Variants in LRRC57 observed in about 807,000 individuals in gnomAD.
LRRC57 encodes the protein leucine-rich repeat-containing protein 57.
Under a neutral mutation model 23.1 loss-of-function variants are expected in LRRC57, and 14 were observed. The ratio of observed to expected loss-of-function variants is 0.61; its 90% CI spans 0.40 to 0.95. LRRC57 has a LOEUF of 0.95. Ranked by LOEUF, LRRC57 falls within the 40% of genes least tolerant of loss-of-function variation. The probability of loss-of-function intolerance (pLI) is 0.00; values close to 1 mark genes in which losing one functional copy is unlikely to be tolerated. For missense variants in LRRC57, 236 were observed against 284.4 expected (o/e 0.83, Z 1.22); for synonymous variants, 106 against 115.2 (o/e 0.92, Z 0.51).
In LRRC57 at chr15:42,548,701, G is replaced by C; in HGVS notation, c.-31C>G. 1.6e-6 allele frequency: 1 copy of C among 628,032 alleles called. No homozygotes were observed. The highest frequency in any genetic ancestry group is 2.8e-6 in the Non-Finnish European group (1 of 362,468). The allele number at this position is 628,032 out of a possible 1,614,324, so 38.9% of individuals were successfully genotyped here. On this transcript the variant is annotated 5_prime_UTR_variant, in exon 1 of 6. Coordinates refer to ENST00000397130, the MANE Select transcript of LRRC57 (RefSeq NM_153260.3). ...GGGAGCCCCGGACTCGCCTCCCACC[G>C]CTCAGCTGCCGTAAGGCTCCGCAGG...
At chr15:42,530,826 C>T in the LRRC57 span, among the ~76,000 whole-genome samples, 1 of 152,160 alleles carries the variant, frequency 6.6e-6, no homozygotes, top group Admixed American at 6.5e-5. Flanking sequence ...AAGCTTGGCT[C>T]TCTGTTAAAT....
Position 42,545,277 on chromosome 15 carries a change from C to G in LRRC57, c.493-15G>C. On this transcript the variant is annotated splice_polypyrimidine_tract_variant and intron_variant, in intron 4 of 5. Transcript: ENST00000397130. The stretch of plus-strand genomic sequence containing the variant: ...ATCTGAGATATCTATTGAAAAACCA[C>G]AAAAGAATAACAGGAAAAAGCATAA... 1 of 1,542,812 alleles carries G rather than the reference C, an allele frequency of 6.5e-7. No individual in the cohort carries two copies. Among genetic ancestry groups the G allele is most frequent in the Non-Finnish European group, 8.7e-7 (1 of 1,146,956 alleles).
At chr15:42,546,514 A>G (rs980384186) in intron 4 of LRRC57, among the ~76,000 whole-genome samples, 14 of 152,212 alleles carry the variant, frequency 9.2e-5, no homozygotes, top group Admixed American at 6.5e-4. Context: ...AATCACTACA[A>G]TCTAGAAAAG....
At chr15:42,547,794 A>G (rs2057669069) in intron 3 of LRRC57, 3 of 543,412 alleles carry the variant, frequency 5.5e-6, no homozygotes, top group Non-Finnish European at 9.7e-6. Flanking sequence ...ATTTTGTGAT[A>G]TTTGGAAGAT....
chr15:42,532,617 C>A, the LRRC57 span: 1 of 152,684 alleles, frequency 6.5e-6, no homozygotes, highest in South Asian at 2.1e-4. Flanking sequence ...ATGAGAATTT[C>A]TCTCTAAAGC....
the LRRC57 span, among the ~76,000 whole-genome samples, chr15:42,530,285 T>A: frequency 4.7e-4 from 71 of 152,278 alleles, no homozygotes; most frequent in Non-Finnish European, 2.2e-4. Context: ...TGAATCCTCA[T>A]CTCATGAAAG....
At chr15:42,544,389 T>C (rs1479213075) in intron 5 of LRRC57, among the ~76,000 whole-genome samples, 1 of 151,458 alleles carries the variant, frequency 6.6e-6, no homozygotes, top group Non-Finnish European at 1.5e-5. Context: ...CTACCAAAAA[T>C]AGAAAAATGA....
rs1467239464 is a variant in LRRC57 at position 42,539,456 on chromosome 15, C to T, written c.*4627G>A. The T allele has an allele frequency of 1.8e-5, 2 of 110,184 alleles. No individual in the cohort carries two copies. The highest frequency in any genetic ancestry group is 5.9e-4 in the South Asian group (2 of 3,366). The allele number at this position is 110,184 out of a possible 1,614,324, so 6.8% of individuals were successfully genotyped here. ...TTGTGCCACTGCATTCCAACCTGGG[C>T]GAAACAGACAGCCTCTGTCTCAAAA... On this transcript the variant is annotated 3_prime_UTR_variant, in exon 6 of 6. Coordinates refer to ENST00000397130, the MANE Select transcript of LRRC57 (RefSeq NM_153260.3).
rs2057634475 is a variant in LRRC57, at chr15:42,542,279, C to T, written c.*1804G>A. The T allele has an allele frequency of 6.6e-6, 1 of 151,808 alleles. No homozygotes were observed. The highest frequency in any genetic ancestry group is 1.5e-5 in the Non-Finnish European group (1 of 67,980). 9.4% of individuals were successfully genotyped at this position (151,808 alleles called of 1,614,324 possible). ...GGTCAGGCTGGTCTTGAACTCCTGA[C>T]CTCGTGATCCACCCACCTCAGCCTC... is the stretch of plus-strand genomic sequence containing the variant. On this transcript the variant is annotated 3_prime_UTR_variant, in exon 6 of 6. Coordinates refer to ENST00000397130, the MANE Select transcript of LRRC57 (RefSeq NM_153260.3).
Position 42,541,457 on chromosome 15 carries a change from TA to T in LRRC57, c.*2625del, listed in dbSNP as rs2057628927. On this transcript the variant is annotated 3_prime_UTR_variant, in exon 6 of 6. Transcript: ENST00000397130. ...AGGTGGAGGTTGCAGTGAGCCAAGA[TA>T]GTGCTACTGCGCTCCAGTCTGGAAT... 6.6e-6 allele frequency: 1 copy of T among 152,348 alleles called. No individual in the cohort carries two copies. Among genetic ancestry groups the T allele is most frequent in the African/African-American group, 2.4e-5 (1 of 41,574 alleles). The allele number at this position is 152,348 out of a possible 1,614,324, so 9.4% of individuals were successfully genotyped here.
chr15:42,532,928 G>A (rs2057580042), downstream of LRRC57: 1 of 152,612 alleles, frequency 6.6e-6, no homozygotes, highest in Non-Finnish European at 1.5e-5. Context: ...CCTGAAAAGT[G>A]TTATGAACAT....
At chr15:42,547,635 T>C in intron 3 of LRRC57, 106 bp from the exon 4 acceptor site, 5 of 991,184 alleles carry the variant, frequency 5.0e-6, no homozygotes, top group Non-Finnish European at 7.5e-6. Flanking sequence ...CTTGTTAATA[T>C]ATGTAAAACT....
chr15:42,537,018 C>T (rs2057603556), downstream of LRRC57, among the ~76,000 whole-genome samples: 1 of 152,096 alleles, frequency 6.6e-6, no homozygotes, highest in Non-Finnish European at 1.5e-5. Flanking sequence ...TAAACCTTTC[C>T]ATTTCATGTG....
chr15:42,544,654 C>G (rs2057647334), intron 5 of LRRC57, among the ~76,000 whole-genome samples: 1 of 151,734 alleles, frequency 6.6e-6, no homozygotes, highest in African/African-American at 2.4e-5. Context: ...AAAACCCCAT[C>G]CCTGCAAAAG....
chr15:42,534,392 G>T (rs2057589706), downstream of LRRC57, among the ~76,000 whole-genome samples: 1 of 152,150 alleles, frequency 6.6e-6, no homozygotes, highest in Admixed American at 6.5e-5. Flanking sequence ...GCCTCCGAAA[G>T]TGCTGGGGTT....
In LRRC57 at chr15:42,547,340, A is replaced by C; in HGVS notation, c.413T>G (p.Leu138Arg). ...TATACTTCGAATCTGGTTCTTAGAG[A>C]GATCCATCACATCCAGGTGCCGTAG... ...CSLRHLDVMD[L>R]SKNQIRSIPD... Residue 138 changes from leucine to arginine, a missense_variant, in exon 4 of 6, where the codon CTC becomes CGC. Leu to Arg is a moderately radical substitution (Grantham distance 102, BLOSUM62 -2). Coordinates refer to ENST00000397130, the MANE Select transcript of LRRC57 (RefSeq NM_153260.3). The C allele has an allele frequency of 6.2e-7, 1 of 1,614,222 alleles. No homozygotes were observed. The highest frequency in any genetic ancestry group is 8.5e-7 in the Non-Finnish European group (1 of 1,180,050).
At chr15:42,544,577 C>T (rs1311379936) in intron 5 of LRRC57, among the ~76,000 whole-genome samples, 1 of 151,622 alleles carries the variant, frequency 6.6e-6, no homozygotes, top group East Asian at 1.9e-4. Flanking sequence ...AATCCCAGCA[C>T]CTTGGGAGGC....
At chr15:42,547,566 TAG>T (rs1566826951) in intron 3 of LRRC57, 37 bp from the exon 4 acceptor site, 7 of 1,572,294 alleles carry the variant, frequency 4.5e-6, no homozygotes, top group Non-Finnish European at 6.0e-6. Context: ...CTGAATGTGA[TAG>T]AGCTGAAAAC....
chr15:42,548,103 T>C lies in LRRC57; in HGVS notation c.223+3A>G. The C allele has an allele frequency of 1.2e-6, 2 of 1,614,164 alleles. No homozygotes were observed. The highest frequency in any genetic ancestry group is 2.2e-5 in the East Asian group (1 of 44,882). On this transcript the variant is annotated splice_donor_region_variant and intron_variant, in intron 3 of 5. Transcript: ENST00000397130. Reference sequence around the variant, plus strand: ...GCAAAAGCCTCCCTGGCGAGAGCCATACTCAGTTTGTTGTTGTTCAGGGAG... The same window carrying C: ...GCAAAAGCCTCCCTGGCGAGAGCCACACTCAGTTTGTTGTTGTTCAGGGAG...
Sources: gnomAD v4.1 joint callset for allele counts (sites outside exome capture counted in the v4.1 genomes callset) on GRCh38, gnomAD v4.1.1 for gene constraint, MANE v1.5 for transcripts, NCBI Gene and HGNC (gene_info 2026-07-23, HGNC 2026-07-21) for gene names.